FAT2: variants seen among roughly 807,000 people sequenced by gnomAD.
FAT2 encodes the protein FAT atypical cadherin 2.
In FAT2, 150 loss-of-function variants were observed where a neutral mutation model predicts 295.3. That is an observed-to-expected ratio of 0.51 (90% confidence interval 0.44 to 0.58). FAT2 has a LOEUF of 0.58. FAT2 is among the 20% of genes least tolerant of loss of function. The probability of loss-of-function intolerance (pLI) is 0.00; values close to 1 mark genes in which losing one functional copy is unlikely to be tolerated. For synonymous variants in FAT2, 2,026 were observed against 2,150.3 expected, an observed-to-expected ratio of 0.94 and a Z score of 1.60; for missense variants, 4,868 against 5,442.7, an observed-to-expected ratio of 0.89 and a Z score of 3.32.
rs377008980 is a variant in FAT2 at position 151,550,181 on chromosome 5, C to A, written c.4578+409G>T. Among the ~76,000 whole-genome samples the A allele has an allele frequency of 6.8e-4, 103 of 152,210 alleles. 3 individuals carry two copies. The South Asian group carries it at 0.021, about 31-fold the overall frequency. On this transcript the variant is annotated intron_variant, in intron 8 of 23. Transcript: ENST00000261800. ...GGGTCATAAAAATGCAGGCACATGG[C>A]CCAGAGAGTGAGCCCTCCTTACATT...
At position 151,505,498 on chromosome 5, in the gene FAT2, G is replaced by A. The variant is rs768871219; in HGVS notation, c.*67C>T. 8.2e-6 allele frequency: 13 copies of A among 1,591,262 alleles called. No individual in the cohort carries two copies. In the Admixed American group the frequency reaches 1.1e-4, roughly 13 times the overall value. ...CAGCCACACTCAACTCACCCCCTAC[G>A]AGACAGGAAGAAATAAGCCAAGTCC... On this transcript the variant is annotated 3_prime_UTR_variant, in exon 24 of 24. Coordinates refer to ENST00000261800, the MANE Select transcript of FAT2 (RefSeq NM_001447.3).
At chr5:151,594,200 G>T (rs765626744), upstream of FAT2, among the ~76,000 whole-genome samples, 2 of 152,082 alleles carry the variant, frequency 1.3e-5, no homozygotes, top group African/African-American at 4.8e-5. Flanking sequence ...TCCAAGCCCC[G>T]GTCTGTCTGA....
In FAT2 at chr5:151,567,229, T is replaced by C. The variant is rs745538435; in HGVS notation, c.1703A>G (p.Asn568Ser). ...GTCTTGGCGGATAGACCCTGTACAG[T>C]TGACTTCTTCAAACATAGGCTGGTT... is the stretch of plus-strand genomic sequence containing the variant. ...NDNQPMFEEV[N>S]CTGSIRQDWP... The change falls in exon 2 of 24, where the codon AAC becomes AGC. Residue 568 changes from asparagine to serine, a missense_variant. Around this residue, in one of 5 missense-constraint regions of FAT2, gnomAD observed 3,297 missense variants for 3,669.4 expected, o/e 0.90. Transcript: ENST00000261800. The C allele has an allele frequency of 6.2e-6, 10 of 1,614,050 alleles. No homozygotes were observed. The highest frequency in any genetic ancestry group is 5.0e-5 in the Admixed American group (3 of 60,008).
At chr5:151,588,566 G>GATTC in intron 1 of FAT2, among the ~76,000 whole-genome samples, 1 of 152,162 alleles carries the variant, frequency 6.6e-6, no homozygotes, top group Non-Finnish European at 1.5e-5. Flanking sequence ...TCAAAATGAA[G>GATTC]ATTCATTCAT....
Position 151,568,167 on chromosome 5 carries a change from G to A in FAT2, c.765C>T (p.Ala255=), listed in dbSNP as rs2127649502. The A allele has an allele frequency of 6.2e-7, 1 of 1,614,146 alleles. No homozygotes were observed. ...HVEPALRKPP[A]IASVVVTPPD... ...GTGGAGTCACCACCACCGAAGCAAT[G>A]GCTGGGGGCTTCCTGAGGGCAGGCT... The change falls in exon 2 of 24, where the codon GCC becomes GCT. Residue 255 remains alanine (A), a synonymous_variant. Transcript: ENST00000261800.
At chr5:151,540,798 C>A (rs2127603039) in intron 10 of FAT2, 35 bp from the exon 11 acceptor site, 1 of 1,580,576 alleles carries the variant, frequency 6.3e-7, no homozygotes, top group Non-Finnish European at 8.6e-7. Flanking sequence ...AGAAGCCAAG[C>A]AATAGGAATG....
rs375091745 is a variant in FAT2 at position 151,537,861 on chromosome 5, G to C, written c.9125C>G (p.Thr3042Ser). Residue 3042 changes from threonine (T) to serine (S), a missense_variant, in exon 12 of 24, where the codon ACC (threonine) becomes AGC (serine). Thr to Ser is a moderately conservative substitution (Grantham distance 58). This residue lies in a region of FAT2 where 1,046 missense variants were observed against 1,210.1 expected (regional missense o/e 0.86). Coordinates refer to ENST00000261800, the MANE Select transcript of FAT2 (RefSeq NM_001447.3). ...KVSATDLDTD[T>S]NAQITYSLHG... The stretch of plus-strand genomic sequence containing the variant: ...CAGAGAATATGTGATCTGAGCATTG[G>C]TATCAGTGTCCAAGTCTGTGGCAGA... The C allele has an allele frequency of 2.5e-6, 4 of 1,614,064 alleles. No homozygotes were observed. In the African/African-American group the frequency reaches 5.3e-5, roughly 22 times the overall value.
rs1425711129 is a variant in FAT2, at chr5:151,549,435, A to T, written c.4649T>A (p.Leu1550His). 1 of 1,614,098 alleles carries T rather than the reference A, an allele frequency of 6.2e-7. No homozygotes were observed. Among genetic ancestry groups the T allele is most frequent in the Non-Finnish European group, 8.5e-7 (1 of 1,180,016 alleles). The change falls in exon 9 of 24, where the codon CTC (leucine) becomes CAC (histidine). Residue 1550 changes from leucine to histidine, a missense_variant. Physicochemically the swap from Leu to His is moderately conservative, Grantham distance 99. This residue lies in a region of FAT2 where 3,297 missense variants were observed against 3,669.4 expected (regional missense o/e 0.90). Transcript: ENST00000261800. ...WVTIHVEDGN[L>H]HPPRFTQLHY... ...GAGCTGAGTGAAGCGGGGTGGGTGG[A>T]GGTTTCCATCCTCCACATGAATGGT... is the stretch of plus-strand genomic sequence containing the variant.
intron 1 of FAT2, among the ~76,000 whole-genome samples, chr5:151,590,911 G>A (rs1036860048): frequency 1.3e-5 from 2 of 152,202 alleles, no homozygotes; most frequent in Admixed American, 1.3e-4. Context: ...CAAGATCACA[G>A]TCTCAGCCTT....
At chr5:151,537,441 AGGGG>A (rs1561842466) in intron 12 of FAT2, among the ~76,000 whole-genome samples, 195 of 22,228 alleles carry the variant, frequency 8.8e-3, no homozygotes, top group African/African-American at 0.08. Flanking sequence ...AGGAAAGGAG[AGGGG>A]AGGGGAGGGG....
At position 151,543,043 on chromosome 5, in the gene FAT2, A is replaced by G; in HGVS notation, c.8084T>C (p.Leu2695Ser). The change falls in exon 10 of 24, where the codon TTG becomes TCG. Residue 2695 changes from leucine (L) to serine (S), a missense_variant. Coordinates refer to ENST00000261800, the MANE Select transcript of FAT2 (RefSeq NM_001447.3). ...GTCTTCAGGTGCAGAGAAAGTATAC[A>G]AAGGTTCAGAAAATTTCGGTAAGGA... ...KVSLPKFSEPLYTFSAPEDLP... is the reference protein window; with the variant it reads ...KVSLPKFSEPSYTFSAPEDLP... 1 of 1,614,194 alleles carries G rather than the reference A, an allele frequency of 6.2e-7. No homozygotes were observed. Among genetic ancestry groups the G allele is most frequent in the Non-Finnish European group, 8.5e-7 (1 of 1,180,036 alleles).
chr5:151,532,468 G>A (rs1313872503), intron 13 of FAT2, among the ~76,000 whole-genome samples: 1 of 152,084 alleles, frequency 6.6e-6, no homozygotes, highest in Non-Finnish European at 1.5e-5. Context: ...CAAGGCTGTA[G>A]TCTAGTTACC....
Position 151,546,292 on chromosome 5 carries a change from A to G in FAT2, c.4835T>C (p.Ile1612Thr), listed in dbSNP as rs1325808498. 6.2e-6 allele frequency: 10 copies of G among 1,613,964 alleles called. No individual in the cohort carries two copies. Among genetic ancestry groups the G allele is most frequent in the Non-Finnish European group, 8.5e-6 (10 of 1,179,994 alleles). ...CTGATCAAGCTTTTGAGCTAGAGTA[A>G]TGATGCCTAGCAGGGCATTGATGTT... is the stretch of plus-strand genomic sequence containing the variant. Reference protein sequence around the residue: ...FFNINALLGIITLAQKLDQAN... With the variant: ...FFNINALLGITTLAQKLDQAN... The change falls in exon 10 of 24, where the codon ATT becomes ACT. Residue 1612 changes from isoleucine (I) to threonine (T), a missense_variant. Around this residue, in one of 5 missense-constraint regions of FAT2, gnomAD observed 3,297 missense variants for 3,669.4 expected, o/e 0.90. Coordinates refer to ENST00000261800, the MANE Select transcript of FAT2 (RefSeq NM_001447.3).
rs751967199 is a variant in FAT2 at position 151,553,251 on chromosome 5, G to A, written c.4082C>T (p.Thr1361Met). 4.3e-5 allele frequency: 70 copies of A among 1,614,128 alleles called. 1 individual carries two copies. Among genetic ancestry groups the A allele is most frequent in the South Asian group, 3.3e-4 (30 of 91,092 alleles). Reference sequence around the variant, plus strand: ...CCCCACCATGTGGTTCACAGGGTCCGTCTCCATGACCGTAAAGCTGTAGTA... The same window carrying A: ...CCCCACCATGTGGTTCACAGGGTCCATCTCCATGACCGTAAAGCTGTAGTA... ...ETYYSFTVME[T>M]DPVNHMVGVI... is the part of the protein sequence containing the mutation. Residue 1361 changes from threonine to methionine, a missense_variant, in exon 6 of 24, where the codon ACG becomes ATG. Physicochemically the swap from Thr to Met is moderately conservative, Grantham distance 81. This residue lies in a region of FAT2 where 3,297 missense variants were observed against 3,669.4 expected (regional missense o/e 0.90). Coordinates refer to ENST00000261800, the MANE Select transcript of FAT2 (RefSeq NM_001447.3).
intron 12 of FAT2, 100 bp downstream of exon 12, chr5:151,537,693 G>T (rs1755595956): frequency 1.7e-6 from 2 of 1,206,074 alleles, no homozygotes; most frequent in Non-Finnish European, 2.3e-6. Flanking sequence ...TGATAGATGA[G>T]TGAATTCCTG....
chr5:151,513,261 A>G (rs530496703), intron 20 of FAT2, among the ~76,000 whole-genome samples: 1 of 152,274 alleles, frequency 6.6e-6, no homozygotes, highest in South Asian at 2.1e-4. Flanking sequence ...GAAAGTAATT[A>G]TTTTTCATAA....
chr5:151,560,649 T>A (rs1326175980), intron 3 of FAT2, among the ~76,000 whole-genome samples: 3 of 152,234 alleles, frequency 2.0e-5, no homozygotes, highest in Non-Finnish European at 2.9e-5. Context: ...TTTACGATGT[T>A]ATGCCCTTTC....
chr5:151,537,385 C>A (rs59054570), intron 12 of FAT2, among the ~76,000 whole-genome samples: 16 of 137,252 alleles, frequency 1.2e-4, no homozygotes, highest in African/African-American at 2.1e-4. Context: ...CAACGAACAA[C>A]GAAAGGAAAG....
chr5:151,517,611 G>A lies in FAT2; in HGVS notation c.11463+9C>T, dbSNP rs2127575675. 6.2e-7 allele frequency: 1 copy of A among 1,613,794 alleles called. No individual in the cohort carries two copies. The highest frequency in any genetic ancestry group is 8.5e-7 in the Non-Finnish European group (1 of 1,179,980). On this transcript the variant is annotated intron_variant, in intron 20 of 23. Transcript: ENST00000261800. Reference sequence around the variant, plus strand: ...CCACATGAAATCTCTCAGGCTGGCAGTGCCTTACCTTCAGGGAGACGGACG... The same window carrying A: ...CCACATGAAATCTCTCAGGCTGGCAATGCCTTACCTTCAGGGAGACGGACG...
Sources: gnomAD v4.1 joint callset for allele counts (sites outside exome capture counted in the v4.1 genomes callset) on GRCh38, gnomAD v4.1.1 for gene constraint, gnomAD v4.1.1 regional missense constraint, MANE v1.5 for transcripts, NCBI Gene and HGNC (gene_info 2026-07-23, HGNC 2026-07-21) for gene names.